Variants in MOV10L1 observed in about 807,000 individuals in gnomAD.
The protein encoded by MOV10L1 is Mov10 like RNA helicase 1.
In MOV10L1, 110 loss-of-function variants were observed where a neutral mutation model predicts 143.8. That is an observed-to-expected ratio of 0.76 (90% CI 0.66 to 0.90). MOV10L1 has a LOEUF of 0.90. MOV10L1 is among the 40% of genes least tolerant of loss of function. The pLI, the probability that MOV10L1 is intolerant of heterozygous loss-of-function variation, is 0.00. For synonymous variants in MOV10L1, 593 were observed against 581.1 expected (o/e 1.02, Z -0.29); for missense variants, 1,406 against 1,526.8 (o/e 0.92, Z 1.32).
intron 3 of MOV10L1, among the ~76,000 whole-genome samples, chr22:50,100,840 T>C (rs1489439751): frequency 6.6e-6 from 1 of 152,240 alleles, no homozygotes; most frequent in Non-Finnish European, 1.5e-5. Context: ...TGTTTTTGGC[T>C]GATCAAAGGA....
chr22:50,156,049 C>CTCATTCAT (rs536661217), intron 22 of MOV10L1, among the ~76,000 whole-genome samples: 6 of 151,986 alleles, frequency 3.9e-5, no homozygotes, highest in African/African-American at 9.7e-5. Flanking sequence ...GAAACCCTGT[C>CTCATTCAT]TCATTCATTC....
intron 9 of MOV10L1, among the ~76,000 whole-genome samples, chr22:50,118,889 C>T (rs569744667): frequency 6.6e-6 from 1 of 152,310 alleles, no homozygotes; most frequent in East Asian, 1.9e-4. Context: ...ATCACCCATC[C>T]TGCAGGCTCA....
At chr22:50,120,427 G>A (rs1033507474) in intron 9 of MOV10L1, 75 bp from the exon 10 acceptor site, 3 of 918,146 alleles carry the variant, frequency 3.3e-6, no homozygotes, top group East Asian at 2.4e-5. Flanking sequence ...AATAGGAAAG[G>A]ATGTTTAGGT....
chr22:50,128,021 C>T (rs1414910947), intron 12 of MOV10L1, among the ~76,000 whole-genome samples: 2 of 152,176 alleles, frequency 1.3e-5, no homozygotes, highest in African/African-American at 4.8e-5. Context: ...ATCCGCCCAC[C>T]TTGGCCTCCC....
Position 50,161,559 on chromosome 22 carries a change from C to A in MOV10L1, c.*110C>A. The A allele has an allele frequency of 2.7e-6, 3 of 1,124,014 alleles. No individual in the cohort carries two copies. Among genetic ancestry groups the A allele is most frequent in the South Asian group, 3.2e-5 (2 of 63,414 alleles). The allele number at this position is 1,124,014 out of a possible 1,614,324, so 69.6% of individuals were successfully genotyped here. A position where few individuals can be genotyped will look rare whatever the true frequency, so the allele number is the denominator to read the frequency against. On this transcript the variant is annotated 3_prime_UTR_variant, in exon 27 of 27. Coordinates refer to ENST00000262794, the MANE Select transcript of MOV10L1 (RefSeq NM_018995.3). ...CCCTTGTCTCGCAGCCAGGCAGGGT[C>A]GTGTGTGGGTGTGGGGCTGCCAGGT...
chr22:50,127,552 G>A (rs534382047), intron 12 of MOV10L1, among the ~76,000 whole-genome samples: 57 of 152,236 alleles, frequency 3.7e-4, no homozygotes, highest in Admixed American at 8.5e-4. Flanking sequence ...GTAGCTTCCC[G>A]ACTCTCTGCT....
chr22:50,120,700 G>C, intron 10 of MOV10L1, 84 bp downstream of exon 10: 1 of 961,440 alleles, frequency 1.0e-6, no homozygotes, highest in Non-Finnish European at 1.6e-6. Flanking sequence ...TCCTTCTCAG[G>C]TTCAGACCTT....
In MOV10L1 at chr22:50,108,754, G is replaced by A. The variant is rs200767181; in HGVS notation, c.653G>A (p.Arg218Gln). The change falls in exon 5 of 27, where the codon CGG becomes CAG. Residue 218 changes from arginine (R) to glutamine (Q), a missense_variant. By Grantham distance (43) the Arg-to-Gln change is conservative. Transcript: ENST00000262794. ...AAACTGCCAGATGGGTACACACCCC[G>A]GAGAGGTGACGTGGTCAATGCAGTG... ...SLKLPDGYTP[R>Q]RGDVVNAVVV... 9.8e-5 allele frequency: 158 copies of A among 1,614,210 alleles called. No homozygotes were observed. Among genetic ancestry groups the A allele is most frequent in the Non-Finnish European group, 1.2e-4 (137 of 1,180,020 alleles).
At chr22:50,114,076 G>A (rs1164414739) in intron 6 of MOV10L1, among the ~76,000 whole-genome samples, 6 of 151,588 alleles carry the variant, frequency 4.0e-5, no homozygotes, top group Non-Finnish European at 5.9e-5. Context: ...CCGCCACCAC[G>A]CCCGGCTAAT....
At chr22:50,132,391 G>A (rs1428246644) in intron 13 of MOV10L1, among the ~76,000 whole-genome samples, 10 of 152,296 alleles carry the variant, frequency 6.6e-5, no homozygotes, top group Admixed American at 3.9e-4. Context: ...CGGTTTAAGG[G>A]AGAATTGGAG....
In MOV10L1 at chr22:50,090,067, C is replaced by G. The variant is rs1356699978; in HGVS notation, c.-22C>G. Reference sequence around the variant, plus strand: ...CGGGCGGCGGCAGCGGCGGTGACGGCAGCCTAGGCCGGGCGAGGGCCATGC... The same window carrying G: ...CGGGCGGCGGCAGCGGCGGTGACGGGAGCCTAGGCCGGGCGAGGGCCATGC... On this transcript the variant is annotated 5_prime_UTR_variant, in exon 1 of 27. Coordinates refer to ENST00000262794, the MANE Select transcript of MOV10L1 (RefSeq NM_018995.3). The G allele has an allele frequency of 3.4e-5, 42 of 1,241,990 alleles. No individual in the cohort carries two copies. The East Asian group carries it at 1.3e-3, about 40-fold the overall frequency. 76.9% of individuals were successfully genotyped at this position (1,241,990 alleles called of 1,614,324 possible).
At chr22:50,130,639 G>GA (rs2062645785) in intron 13 of MOV10L1, among the ~76,000 whole-genome samples, 1 of 151,854 alleles carries the variant, frequency 6.6e-6, no homozygotes, top group African/African-American at 2.4e-5. Flanking sequence ...GCCATGAGAA[G>GA]ACCCAGGAAT....
chr22:50,153,194 C>T lies in MOV10L1; in HGVS notation c.3042C>T (p.Phe1014=), dbSNP rs757383326. ...LGWEKLPKKG[F]PLIFHGVRGS... Reference sequence around the variant, plus strand: ...GGGAGAAGTTGCCTAAGAAAGGCTTCCCTCTCATCTTCCATGGTGTGCGGG... The same window carrying T: ...GGGAGAAGTTGCCTAAGAAAGGCTTTCCTCTCATCTTCCATGGTGTGCGGG... Residue 1014 remains phenylalanine (F), a synonymous_variant, in exon 22 of 27, where the codon TTC becomes TTT. Coordinates refer to ENST00000262794, the MANE Select transcript of MOV10L1 (RefSeq NM_018995.3). 5.0e-6 allele frequency: 8 copies of T among 1,613,766 alleles called. No homozygotes were observed. Among genetic ancestry groups the T allele is most frequent in the Non-Finnish European group, 2.5e-6 (3 of 1,179,802 alleles).
At position 50,122,342 on chromosome 22, in the gene MOV10L1, C is replaced by G. The variant is rs561650405; in HGVS notation, c.1569+1726C>G. On this transcript the variant is annotated intron_variant, in intron 10 of 26. Coordinates refer to ENST00000262794, the MANE Select transcript of MOV10L1 (RefSeq NM_018995.3). ...GTAAATACATTGCTCTCATAGCTGC[C>G]TTTTCAGATTCTTCAGTGTTGTTTA... Among the ~76,000 whole-genome samples the G allele has an allele frequency of 2.6e-4, 40 of 152,196 alleles. No homozygotes were observed. The Middle Eastern group carries it at 0.01, about 39-fold the overall frequency.
At chr22:50,104,923 C>T (rs2061832446) in intron 3 of MOV10L1, among the ~76,000 whole-genome samples, 1 of 150,374 alleles carries the variant, frequency 6.7e-6, no homozygotes, top group African/African-American at 2.4e-5. Context: ...ACAGAGTCTC[C>T]CTCTGTCATC....
At chr22:50,148,302 C>T (rs973757169) in intron 19 of MOV10L1, among the ~76,000 whole-genome samples, 2 of 152,232 alleles carry the variant, frequency 1.3e-5, no homozygotes, top group Non-Finnish European at 2.9e-5. Flanking sequence ...GGTGGGCGAG[C>T]CAGGGAAGCC....
At chr22:50,091,873 C>T (rs187715585) in intron 1 of MOV10L1, 128 bp from the exon 2 acceptor site, 32 of 807,938 alleles carry the variant, frequency 4.0e-5, no homozygotes, top group Non-Finnish European at 6.1e-5. Flanking sequence ...CAAGTCAGCC[C>T]GTTCGGAGTC....
chr22:50,090,822 AC>A, intron 1 of MOV10L1: 1 of 304,950 alleles, frequency 3.3e-6, no homozygotes. Flanking sequence ...GATTATAGGC[AC>A]CCGCCACCAC....
chr22:50,144,221 A>T lies in MOV10L1; in HGVS notation c.2483A>T (p.Asn828Ile). 6.2e-7 allele frequency: 1 copy of T among 1,608,250 alleles called. No homozygotes were observed. The change falls in exon 18 of 27, where the codon AAC becomes ATC. Residue 828 changes from asparagine (N) to isoleucine (I), a missense_variant. Transcript: ENST00000262794. Reference sequence around the variant, plus strand: ...CAGCCGGCCACCATGGTCCGGGTGAACGCCACCTGCAGGTTCGAGGAGGTG... The same window carrying T: ...CAGCCGGCCACCATGGTCCGGGTGATCGCCACCTGCAGGTTCGAGGAGGTG... ...VLQPATMVRV[N>I]ATCRFEEIVI...
Sources: gnomAD v4.1 joint callset for allele counts (sites outside exome capture counted in the v4.1 genomes callset) on GRCh38, gnomAD v4.1.1 for gene constraint, MANE v1.5 for transcripts, NCBI Gene and HGNC (gene_info 2026-07-23, HGNC 2026-07-21) for gene names.